Variants in MAP4K4 observed in about 807,000 individuals in gnomAD.
The protein encoded by MAP4K4 is HPK/GCK-like kinase HGK.
In MAP4K4, 38 loss-of-function variants were observed where a neutral mutation model predicts 189.6. The ratio of observed to expected loss-of-function variants is 0.20; its 90% CI spans 0.15 to 0.26. MAP4K4 has a LOEUF of 0.26. Among genes scored for constraint, MAP4K4 ranks in the 10% least tolerant of loss-of-function variants. The pLI is 1.00. For synonymous variants in MAP4K4, 610 were observed against 624.3 expected (o/e 0.98, Z 0.34); for missense variants, 1,054 against 1,726.9 (o/e 0.61, Z 6.91).
intron 2 of MAP4K4, among the ~76,000 whole-genome samples, chr2:101,728,080 G>A (rs993110589): frequency 3.3e-5 from 5 of 152,188 alleles, no homozygotes; most frequent in African/African-American, 4.8e-5. Context: ...AATAACTGAG[G>A]AAACACCCAG....
At chr2:101,819,106 A>G (rs1462798246) in intron 3 of MAP4K4, among the ~76,000 whole-genome samples, 1 of 152,132 alleles carries the variant, frequency 6.6e-6, no homozygotes, top group Non-Finnish European at 1.5e-5. Context: ...TTCTTTTTGT[A>G]TATGGGATTT....
At position 101,704,563 on chromosome 2, in the gene MAP4K4, A is replaced by ATTT. The variant is rs1559013874; in HGVS notation, c.123+6026_123+6027insTTT. 4.2e-3 allele frequency among the ~76,000 whole-genome samples: 199 copies of ATTT among 47,172 alleles called. 3 individuals are homozygous for ATTT. Among genetic ancestry groups the ATTT allele is most frequent in the South Asian group, 8.8e-3 (8 of 912 alleles). The allele number at this position is 47,172 out of a possible 152,430, so 30.9% of individuals were successfully genotyped here. A position where few individuals can be genotyped will look rare whatever the true frequency, so the allele number is the denominator to read the frequency against. On this transcript the variant is annotated intron_variant, in intron 2 of 32. Coordinates refer to ENST00000324219, the Ensembl canonical transcript of MAP4K4. ...TGTGTATATATATATATATATATAT[A>ATTT]TATATTTTTTTTTTTTTTTTTTTTT...
intron 2 of MAP4K4, among the ~76,000 whole-genome samples, chr2:101,779,156 C>T (rs561418950): frequency 4.6e-5 from 7 of 152,160 alleles, no homozygotes; most frequent in East Asian, 1.9e-4. Flanking sequence ...GCTTCTTTAT[C>T]GGCCCTTCCT....
At position 101,777,973 on chromosome 2, in the gene MAP4K4, A is replaced by G. The variant is rs1326111758; in HGVS notation, c.124-12747A>G. Among the ~76,000 whole-genome samples the G allele has an allele frequency of 3.3e-5, 5 of 152,338 alleles. No homozygotes were observed. In the East Asian group the frequency reaches 5.8e-4, roughly 18 times the overall value. ...ACTTTTAATATTACGGATTTATCTT[A>G]GGAAGACAGATTTTGGTGTACTTGT... On this transcript the variant is annotated intron_variant, in intron 2 of 32. Coordinates refer to ENST00000324219, the Ensembl canonical transcript of MAP4K4.
chr2:101,794,759 T>C (rs533374595), intron 3 of MAP4K4, among the ~76,000 whole-genome samples: 1 of 152,362 alleles, frequency 6.6e-6, no homozygotes, highest in African/African-American at 2.4e-5. Context: ...AGTTATCTTA[T>C]ATCGCTTATT....
chr2:101,870,474 T>A, intron 23 of MAP4K4, 59 bp downstream of exon 23: 1 of 1,599,830 alleles, frequency 6.3e-7, no homozygotes, highest in Non-Finnish European at 8.5e-7. Flanking sequence ...TTAACCCACT[T>A]GCTCATTCAC....
At chr2:101,735,418 T>A (rs918751309) in intron 2 of MAP4K4, among the ~76,000 whole-genome samples, 7 of 152,208 alleles carry the variant, frequency 4.6e-5, no homozygotes, top group Non-Finnish European at 8.8e-5. Context: ...AGCAGAAGTT[T>A]TCTTCTGTTC....
intron 2 of MAP4K4, among the ~76,000 whole-genome samples, chr2:101,755,907 A>G (rs1416459295): frequency 8.2e-5 from 5 of 60,688 alleles, no homozygotes; most frequent in Non-Finnish European, 1.6e-4. Flanking sequence ...GGGAAACTTT[A>G]TTTATAGTAT....
chr2:101,799,781 T>C (rs145716712), intron 3 of MAP4K4, among the ~76,000 whole-genome samples: 4 of 152,236 alleles, frequency 2.6e-5, no homozygotes, highest in African/African-American at 9.6e-5. Flanking sequence ...TTTAAAATTT[T>C]TCGTAGAGAC....
At chr2:101,880,418 AGTT>A (rs2098350257) in intron 27 of MAP4K4, among the ~76,000 whole-genome samples, 2 of 151,938 alleles carry the variant, frequency 1.3e-5, no homozygotes, top group African/African-American at 4.8e-5. Context: ...ATGGATATCT[AGTT>A]GTTGCAGCAG....
At chr2:101,866,690 T>C in intron 19 of MAP4K4, 111 bp downstream of exon 19, 2 of 1,334,326 alleles carry the variant, frequency 1.5e-6, no homozygotes, top group East Asian at 2.4e-5. Context: ...CACAAAACAA[T>C]GTTTTAGCAT....
At chr2:101,769,813 C>T (rs1161356921) in intron 2 of MAP4K4, among the ~76,000 whole-genome samples, 4 of 152,062 alleles carry the variant, frequency 2.6e-5, no homozygotes, top group Non-Finnish European at 4.4e-5. Flanking sequence ...AACTCCTGAC[C>T]TCAGGTGATC....
intron 2 of MAP4K4, among the ~76,000 whole-genome samples, chr2:101,729,131 T>TCC (rs2057226136): frequency 6.6e-6 from 1 of 151,234 alleles, no homozygotes; most frequent in African/African-American, 2.4e-5. Flanking sequence ...TGTGTGTGTG[T>TCC]CCTGTTCCCA....
exon 13 of MAP4K4, chr2:101,855,992 C>T (rs1342984228): frequency 2.6e-6 from 4 of 1,548,686 alleles, no homozygotes; most frequent in East Asian, 2.4e-5. Flanking sequence ...AAGGAGAGAG[C>T]GGGAAGCTAG....
intron 2 of MAP4K4, among the ~76,000 whole-genome samples, chr2:101,781,293 T>C (rs2087273521): frequency 6.6e-6 from 1 of 152,194 alleles, no homozygotes; most frequent in South Asian, 2.1e-4. Flanking sequence ...CTTCACCAGA[T>C]GTCTCTAAAA....
At chr2:101,714,055 CAA>C (rs72383936) in intron 2 of MAP4K4, among the ~76,000 whole-genome samples, 37,462 of 151,984 alleles carry the variant, frequency 0.25, 5,465 homozygotes, top group Non-Finnish European at 0.31. Context: ...ACAATAGAGA[CAA>C]ACCTCAAATC....
intron 1 of MAP4K4, 125 bp from the exon 2 acceptor site, chr2:101,698,347 CT>C: frequency 1.0e-6 from 1 of 962,478 alleles, no homozygotes; most frequent in Non-Finnish European, 1.7e-6. Context: ...CCCCCGGGCG[CT>C]GGGGGACCGC....
chr2:101,831,443 A>C (rs910211086), intron 6 of MAP4K4, among the ~76,000 whole-genome samples: 2 of 151,706 alleles, frequency 1.3e-5, no homozygotes, highest in Non-Finnish European at 2.9e-5. Context: ...TTCATTCAAA[A>C]GGCCCTCTGC....
At chr2:101,835,164 C>G (rs892219620) in intron 8 of MAP4K4, among the ~76,000 whole-genome samples, 3 of 152,222 alleles carry the variant, frequency 2.0e-5, no homozygotes, top group African/African-American at 7.2e-5. Context: ...AAACACCATA[C>G]ATTCCCCTGT....
Sources: gnomAD v4.1 joint callset for allele counts (sites outside exome capture counted in the v4.1 genomes callset) on GRCh38, gnomAD v4.1.1 for gene constraint, MANE v1.5 for transcripts, NCBI Gene and HGNC (gene_info 2026-07-23, HGNC 2026-07-21) for gene names.